NRG1: variants seen among roughly 807,000 people sequenced by gnomAD.
NRG1 encodes neuregulin 1.
A neutral mutation model predicts 63.8 loss-of-function variants in NRG1; 18 were observed. That is an observed-to-expected ratio of 0.28 (90% CI 0.19 to 0.42). The LOEUF (loss-of-function observed/expected upper bound fraction) is 0.42, where lower values mean the gene tolerates loss of function less well. Among genes scored for constraint, NRG1 ranks in the 10% least tolerant of loss-of-function variants. NRG1 has a pLI of 1.00. For synonymous variants in NRG1, 302 were observed against 301.3 expected (o/e 1.00, Z -0.02); for missense variants, 762 against 814.7 (o/e 0.94, Z 0.79).
intron 1 of NRG1, among the ~76,000 whole-genome samples, chr8:32,183,389 G>A (rs1841635766): frequency 6.6e-6 from 1 of 152,188 alleles, no homozygotes; most frequent in Non-Finnish European, 1.5e-5. Flanking sequence ...GTTCTAACCA[G>A]AAAATGTATT....
chr8:32,073,548 TTGAATTGAGTGTC>T (rs1204736598), intron 1 of NRG1, among the ~76,000 whole-genome samples: 1 of 152,120 alleles, frequency 6.6e-6, no homozygotes, highest in Non-Finnish European at 1.5e-5. Context: ...TTTTCTAAAG[TTGAATTGAGTGTC>T]TGAAAGACAG....
chr8:32,514,614 GT>G (rs1189161077), intron 1 of NRG1, among the ~76,000 whole-genome samples: 1 of 151,610 alleles, frequency 6.6e-6, no homozygotes, highest in African/African-American at 2.4e-5. Flanking sequence ...ATGTGTTTTT[GT>G]TTTTGTTTTT....
intron 1 of NRG1, among the ~76,000 whole-genome samples, chr8:32,170,537 G>A (rs949889443): frequency 4.6e-5 from 7 of 152,176 alleles, no homozygotes; most frequent in African/African-American, 1.7e-4. Flanking sequence ...AATTAGCCCT[G>A]ACTCTAGAGC....
At chr8:32,501,095 G>T (rs1331578781) in intron 1 of NRG1, among the ~76,000 whole-genome samples, 1 of 152,336 alleles carries the variant, frequency 6.6e-6, no homozygotes, top group East Asian at 1.9e-4. Flanking sequence ...CTGGCCTACA[G>T]CTGACTGCGT....
chr8:31,701,932 C>CAACT (rs1188350536), intron 1 of NRG1, among the ~76,000 whole-genome samples: 1 of 152,146 alleles, frequency 6.6e-6, no homozygotes, highest in Non-Finnish European at 1.5e-5. Flanking sequence ...CTTGTTGGAA[C>CAACT]AACTGTGAGC....
chr8:32,089,971 C>G (rs1828861486), intron 1 of NRG1, among the ~76,000 whole-genome samples: 1 of 152,140 alleles, frequency 6.6e-6, no homozygotes, highest in Non-Finnish European at 1.5e-5. Flanking sequence ...TGTGGTGAAA[C>G]AGAACTCCTT....
chr8:31,885,481 A>G (rs1035094412), intron 1 of NRG1, among the ~76,000 whole-genome samples: 1 of 152,148 alleles, frequency 6.6e-6, no homozygotes, highest in Non-Finnish European at 1.5e-5. Flanking sequence ...TATTATAAAG[A>G]GTTGACTAAT....
rs572100532 is a variant in NRG1 at position 32,114,814 on chromosome 8, GCA to G, written c.37+475386_37+475387del. 5.8e-4 allele frequency among the ~76,000 whole-genome samples: 89 copies of G among 152,270 alleles called. No individual in the cohort carries two copies. The South Asian group carries it at 6.8e-3, about 12-fold the overall frequency. On this transcript the variant is annotated intron_variant, in intron 1 of 10. Transcript: ENST00000519301. ...CAAGCTATCTCATGATGGTTTTATA[GCA>G]CAGTGGGCTCACTCATACTGGTGCT...
chr8:32,262,422 T>C (rs1850486010), intron 1 of NRG1, among the ~76,000 whole-genome samples: 1 of 152,186 alleles, frequency 6.6e-6, no homozygotes, highest in African/African-American at 2.4e-5. Context: ...AGAATCAGAA[T>C]TTGTCAGGAT....
chr8:32,301,336 C>T (rs1855543816), intron 1 of NRG1, among the ~76,000 whole-genome samples: 1 of 152,142 alleles, frequency 6.6e-6, no homozygotes, highest in Non-Finnish European at 1.5e-5. Flanking sequence ...TATATGTTGG[C>T]ATTTTGGAAT....
chr8:32,457,574 A>G (rs1821755333), intron 1 of NRG1, among the ~76,000 whole-genome samples: 1 of 152,210 alleles, frequency 6.6e-6, no homozygotes, highest in Admixed American at 6.5e-5. Context: ...GATTCCTCTT[A>G]GCAATAACCA....
At chr8:31,865,302 G>A (rs1027718690) in intron 1 of NRG1, among the ~76,000 whole-genome samples, 14 of 152,174 alleles carry the variant, frequency 9.2e-5, no homozygotes, top group African/African-American at 3.4e-4. Flanking sequence ...GGCTCTCAGA[G>A]GGAAGACAGA....
chr8:31,955,052 A>T (rs7463463), intron 1 of NRG1, among the ~76,000 whole-genome samples: 1 of 152,050 alleles, frequency 6.6e-6, no homozygotes, highest in East Asian at 1.9e-4. Context: ...GTGAGATGTC[A>T]CTGCAAAATG....
At position 32,630,427 on chromosome 8, in the gene NRG1, G is replaced by A. The variant is rs180843449; in HGVS notation, c.502+13542G>A. 8.5e-3 allele frequency among the ~76,000 whole-genome samples: 1,297 copies of A among 152,236 alleles called. 3 individuals are homozygous for A. Among genetic ancestry groups the A allele is most frequent in the Middle Eastern group, 0.037 (11 of 294 alleles). On this transcript the variant is annotated intron_variant, in intron 5 of 11. Transcript: ENST00000356819. ...CTTCATCCCATCTACCTCCCAGTGC[G>A]CACACATTTGGGATGAAGAGATAAT... is the stretch of plus-strand genomic sequence containing the variant.
At chr8:32,372,181 G>T (rs1808977521) in intron 1 of NRG1, among the ~76,000 whole-genome samples, 4 of 151,854 alleles carry the variant, frequency 2.6e-5, no homozygotes, top group Admixed American at 2.6e-4. Context: ...TAGAGATGGG[G>T]TCTTGCTGTG....
intron 1 of NRG1, among the ~76,000 whole-genome samples, chr8:31,763,905 G>A (rs1020800705): frequency 1.6e-4 from 24 of 151,280 alleles, no homozygotes; most frequent in African/African-American, 5.1e-4. Flanking sequence ...AGCCAAGATC[G>A]CGCCACCACA....
At chr8:31,715,049 A>G (rs13268778) in intron 1 of NRG1, among the ~76,000 whole-genome samples, 43,372 of 151,950 alleles carry the variant, frequency 0.29, 7,220 homozygotes, top group Non-Finnish European at 0.36. Flanking sequence ...GTGACATTTC[A>G]CTGATCATAG....
intron 1 of NRG1, among the ~76,000 whole-genome samples, chr8:32,149,157 C>T (rs1451884140): frequency 6.6e-6 from 1 of 152,168 alleles, no homozygotes; most frequent in Non-Finnish European, 1.5e-5. Context: ...ATTTTAGTCA[C>T]TCTGTTGGTG....
chr8:32,296,907 G>A (rs750058076), intron 1 of NRG1, among the ~76,000 whole-genome samples: 9 of 152,106 alleles, frequency 5.9e-5, no homozygotes, highest in Non-Finnish European at 1.2e-4. Flanking sequence ...ACAAGGTCAA[G>A]AGATCGAAAC....
Sources: gnomAD v4.1 joint callset for allele counts (sites outside exome capture counted in the v4.1 genomes callset) on GRCh38, gnomAD v4.1.1 for gene constraint, MANE v1.5 for transcripts, NCBI Gene and HGNC (gene_info 2026-07-23, HGNC 2026-07-21) for gene names.